The following ALK variants were observed in gnomAD, a reference collection of about 807,000 sequenced individuals.
The protein encoded by ALK is ALK receptor tyrosine kinase.
Under a neutral mutation model 163.1 loss-of-function variants are expected in ALK, and 74 were observed. The ratio of observed to expected loss-of-function variants is 0.45; its 90% confidence interval spans 0.38 to 0.55. The LOEUF (loss-of-function observed/expected upper bound fraction) is 0.55, where lower values mean the gene tolerates loss of function less well. Among genes scored for constraint, ALK ranks in the 20% least tolerant of loss-of-function variants. The pLI, the probability that ALK is intolerant of heterozygous loss-of-function variation, is 0.00. For missense variants in ALK, 2,063 were observed against 2,105.3 expected, an observed-to-expected ratio of 0.98 and a Z score of 0.39; for synonymous variants, 960 against 843.2, an observed-to-expected ratio of 1.14 and a Z score of -2.40.
At chr2:29,459,615 A>T (rs775549642) in intron 4 of ALK, among the ~76,000 whole-genome samples, 2 of 152,076 alleles carry the variant, frequency 1.3e-5, no homozygotes, top group Admixed American at 1.3e-4. Context: ...TGAATTAAAA[A>T]CAAACAACTT....
chr2:29,596,425 CCT>C (rs1368102452), intron 3 of ALK, among the ~76,000 whole-genome samples: 7 of 152,192 alleles, frequency 4.6e-5, no homozygotes, highest in Non-Finnish European at 1.0e-4. Flanking sequence ...AACAAATCAC[CCT>C]CTCTTTCCCC....
At chr2:29,723,644 A>G in intron 1 of ALK, among the ~76,000 whole-genome samples, 1 of 152,210 alleles carries the variant, frequency 6.6e-6, no homozygotes, top group East Asian at 1.9e-4. Flanking sequence ...ACTCTGCCAA[A>G]CCTCAATTTT....
At chr2:29,303,713 A>G (rs537293257) in intron 8 of ALK, among the ~76,000 whole-genome samples, 1 of 152,350 alleles carries the variant, frequency 6.6e-6, no homozygotes, top group East Asian at 1.9e-4. Context: ...TAAAAAAGAA[A>G]GAAGTCATGT....
chr2:29,398,957 G>A (rs1216074311), intron 4 of ALK, among the ~76,000 whole-genome samples: 4 of 152,180 alleles, frequency 2.6e-5, no homozygotes, highest in Admixed American at 6.5e-5. Flanking sequence ...GGTGAGGCTT[G>A]TGTGGCAGGA....
intron 2 of ALK, among the ~76,000 whole-genome samples, chr2:29,709,964 T>G (rs2631972): frequency 0.86 from 130,587 of 152,064 alleles, 56,280 homozygotes; most frequent in African/African-American, 0.92. Flanking sequence ...ATATGATTTG[T>G]CTGTGCCCCC....
intron 1 of ALK, among the ~76,000 whole-genome samples, chr2:29,849,809 G>T (rs1344298728): frequency 1.3e-5 from 2 of 152,098 alleles, no homozygotes; most frequent in Non-Finnish European, 2.9e-5. Flanking sequence ...GGAAGAAGGG[G>T]AGAGGAGAGG....
intron 1 of ALK, among the ~76,000 whole-genome samples, chr2:29,831,204 G>A (rs145766472): frequency 0.57 from 29,258 of 51,156 alleles, 11,370 homozygotes; most frequent in Non-Finnish European, 0.68. Flanking sequence ...GAAGGGGAAG[G>A]GGAAGAGGAA....
At chr2:29,836,978 T>G in intron 1 of ALK, among the ~76,000 whole-genome samples, 1 of 152,214 alleles carries the variant, frequency 6.6e-6, no homozygotes, top group Admixed American at 6.5e-5. Context: ...ATTAAATAAC[T>G]GCTTTCAAAC....
chr2:29,769,253 T>C (rs1360008058), intron 1 of ALK, among the ~76,000 whole-genome samples: 2 of 152,168 alleles, frequency 1.3e-5, no homozygotes, highest in Non-Finnish European at 2.9e-5. Context: ...TGGAAAGGGG[T>C]TGGAGTCTCT....
At chr2:29,392,251 A>C (rs1669192059) in intron 4 of ALK, among the ~76,000 whole-genome samples, 1 of 152,208 alleles carries the variant, frequency 6.6e-6, no homozygotes. Flanking sequence ...TCATTTTATA[A>C]GAGAGAAATT....
intron 4 of ALK, among the ~76,000 whole-genome samples, chr2:29,511,850 G>A (rs1672529148): frequency 6.6e-6 from 1 of 152,078 alleles, no homozygotes; most frequent in Non-Finnish European, 1.5e-5. Flanking sequence ...TTTTACTAAT[G>A]ACTAGCGATG....
chr2:29,255,376 C>T lies in ALK; in HGVS notation c.2042-4109G>A, dbSNP rs75185672. On this transcript the variant is annotated intron_variant, in intron 11 of 28. Transcript: ENST00000389048. The stretch of plus-strand genomic sequence containing the variant: ...AGTGTTTTCCAAACCACCTGAGGAC[C>T]TTTCACATACAGATTCTAGGGACCT... Among the ~76,000 whole-genome samples, 1,443 of 152,246 alleles carry T rather than the reference C, an allele frequency of 9.5e-3. 28 individuals carry two copies. Among genetic ancestry groups the T allele is most frequent in the African/African-American group, 0.033 (1,368 of 41,532 alleles).
At chr2:29,432,038 T>G (rs572058201) in intron 4 of ALK, among the ~76,000 whole-genome samples, 1 of 152,052 alleles carries the variant, frequency 6.6e-6, no homozygotes, top group South Asian at 2.1e-4. Context: ...AGAAGAAACT[T>G]TGAGGAGAAT....
intron 23 of ALK, among the ~76,000 whole-genome samples, chr2:29,216,900 GTATA>G (rs1437463032): frequency 1.5e-5 from 2 of 131,996 alleles, no homozygotes; most frequent in Admixed American, 7.7e-5. Context: ...TTGGTTGTGA[GTATA>G]TGTGGTATAT....
At chr2:29,640,490 T>C (rs1317234102) in intron 3 of ALK, among the ~76,000 whole-genome samples, 1 of 152,318 alleles carries the variant, frequency 6.6e-6, no homozygotes, top group East Asian at 1.9e-4. Context: ...CCTTCTGCCA[T>C]GATTGTAAGT....
intron 3 of ALK, among the ~76,000 whole-genome samples, chr2:29,616,119 AT>A (rs756409969): frequency 6.6e-6 from 1 of 152,250 alleles, no homozygotes; most frequent in Non-Finnish European, 1.5e-5. Context: ...ACAGCCAGGC[AT>A]ATTATGTCAC....
intron 3 of ALK, among the ~76,000 whole-genome samples, chr2:29,618,456 G>A (rs2148227020): frequency 6.6e-6 from 1 of 151,236 alleles, no homozygotes; most frequent in South Asian, 2.1e-4. Flanking sequence ...CAGGAGTGCT[G>A]TCATCTTCTT....
At chr2:29,797,025 C>G (rs1664334224) in intron 1 of ALK, among the ~76,000 whole-genome samples, 1 of 151,190 alleles carries the variant, frequency 6.6e-6, no homozygotes, top group African/African-American at 2.4e-5. Flanking sequence ...CACACACACA[C>G]ACATACACAC....
At chr2:29,839,855 A>G (rs1016103868) in intron 1 of ALK, among the ~76,000 whole-genome samples, 4 of 152,136 alleles carry the variant, frequency 2.6e-5, no homozygotes, top group Non-Finnish European at 5.9e-5. Flanking sequence ...AATGATAATG[A>G]TATAATAATA....
Sources: gnomAD v4.1 joint callset for allele counts (sites outside exome capture counted in the v4.1 genomes callset) on GRCh38, gnomAD v4.1.1 for gene constraint, MANE v1.5 for transcripts, NCBI Gene and HGNC (gene_info 2026-07-23, HGNC 2026-07-21) for gene names.